Variants in CXADR observed in about 807,000 individuals in gnomAD.
The protein encoded by CXADR is coxsackievirus and adenovirus receptor.
CXADR carries 20 observed loss-of-function variants against 40.3 expected under a neutral mutation model. That is an observed-to-expected ratio of 0.50 (90% CI 0.35 to 0.72). The LOEUF (loss-of-function observed/expected upper bound fraction) is 0.72. CXADR is among the 30% of genes least tolerant of loss of function. The pLI is 0.01. For missense variants in CXADR, 332 were observed against 449.1 expected, an observed-to-expected ratio of 0.74 and a Z score of 2.36; for synonymous variants, 150 against 161.3, an observed-to-expected ratio of 0.93 and a Z score of 0.53.
At chr21:17,594,346 A>C, downstream of CXADR, 9 of 1,608,620 alleles carry the variant, frequency 5.6e-6, no homozygotes, top group Non-Finnish European at 7.6e-6. Context: ...TAGGGAAGAG[A>C]ACACATTAAG....
chr21:17,572,319 G>A (rs1198929397), downstream of CXADR, among the ~76,000 whole-genome samples: 1 of 151,536 alleles, frequency 6.6e-6, no homozygotes, highest in Admixed American at 6.6e-5. Context: ...GCAGTGAGCC[G>A]AGATCGCGCC....
the CXADR span, among the ~76,000 whole-genome samples, chr21:17,602,728 G>C: frequency 6.6e-6 from 1 of 152,160 alleles, no homozygotes; most frequent in Non-Finnish European, 1.5e-5. Flanking sequence ...TGAAAGCAAA[G>C]TAGCAGTTTT....
chr21:17,550,402 T>A (rs951625100), intron 2 of CXADR, among the ~76,000 whole-genome samples: 17 of 149,922 alleles, frequency 1.1e-4, no homozygotes, highest in African/African-American at 3.9e-4. Context: ...TCAGTGTGGT[T>A]GGGAAGGAGA....
chr21:17,598,353 T>C (rs1219387979), downstream of CXADR, among the ~76,000 whole-genome samples: 2 of 152,236 alleles, frequency 1.3e-5, no homozygotes, highest in Non-Finnish European at 2.9e-5. Context: ...AGGAATGTTT[T>C]ACCATCATGA....
intron 6 of CXADR, among the ~76,000 whole-genome samples, chr21:17,564,536 A>G (rs1784912): frequency 0.36 from 55,279 of 151,786 alleles, 10,484 homozygotes; most frequent in African/African-American, 0.48. Context: ...TTTTCTATAC[A>G]TGGTTTGTTG....
At chr21:17,603,408 A>C in the CXADR span, among the ~76,000 whole-genome samples, 1 of 152,152 alleles carries the variant, frequency 6.6e-6, no homozygotes, top group Non-Finnish European at 1.5e-5. Context: ...TGGTTTCCAA[A>C]AGCAATAAAC....
chr21:17,544,578 C>T (rs1319877679), intron 1 of CXADR, among the ~76,000 whole-genome samples: 3 of 152,146 alleles, frequency 2.0e-5, no homozygotes, highest in Non-Finnish European at 4.4e-5. Flanking sequence ...CAGACACCTC[C>T]GTTGCCCCCT....
intron 7 of CXADR, among the ~76,000 whole-genome samples, chr21:17,579,724 A>G (rs190453082): frequency 1.4e-4 from 21 of 152,352 alleles, no homozygotes; most frequent in African/African-American, 5.1e-4. Context: ...GGCTTAGAAC[A>G]CAGAAAGCAG....
At chr21:17,527,886 A>G (rs1383523111) in intron 1 of CXADR, among the ~76,000 whole-genome samples, 1 of 151,434 alleles carries the variant, frequency 6.6e-6, no homozygotes, top group African/African-American at 2.4e-5. Context: ...CTCCTTGTTG[A>G]CAGGAAATGC....
chr21:17,576,180 G>T (rs1054581918), intron 7 of CXADR, among the ~76,000 whole-genome samples: 3 of 152,018 alleles, frequency 2.0e-5, no homozygotes, highest in Admixed American at 6.6e-5. Flanking sequence ...ATTTAATTTG[G>T]TGCAAATGCA....
intron 2 of CXADR, among the ~76,000 whole-genome samples, chr21:17,551,271 G>A (rs937897889): frequency 2.6e-5 from 4 of 152,028 alleles, no homozygotes; most frequent in Non-Finnish European, 4.4e-5. Context: ...GTGGTGGCAC[G>A]TGCCTGAAGT....
the CXADR span, among the ~76,000 whole-genome samples, chr21:17,600,088 A>G: frequency 6.6e-6 from 1 of 152,104 alleles, no homozygotes; most frequent in African/African-American, 2.4e-5. Flanking sequence ...ATTTTTGAAG[A>G]TTTTTGATTT....
Position 17,566,394 on chromosome 21 carries a change from G to A in CXADR, c.*702G>A. 4.9e-5 allele frequency: 48 copies of A among 985,382 alleles called. No individual in the cohort carries two copies. Among genetic ancestry groups the A allele is most frequent in the Non-Finnish European group, 5.7e-5 (47 of 829,910 alleles). 61.0% of individuals were successfully genotyped at this position (985,382 alleles called of 1,614,324 possible). ...GCTAAAGGAGCATCTATCAGATTAA[G>A]TTAGAACATTTGCTGTCAGCCACAT... On this transcript the variant is annotated 3_prime_UTR_variant, in exon 7 of 7. Coordinates refer to ENST00000284878, the MANE Select transcript of CXADR (RefSeq NM_001338.5).
chr21:17,569,185 G>A lies in CXADR; in HGVS notation c.*3493G>A, dbSNP rs2061253345. ...CATGTACATTTGATGTTATGTGAAT[G>A]TTGAGTTTTTTCTTCTAATTTTCAC... On this transcript the variant is annotated 3_prime_UTR_variant, in exon 7 of 7. Coordinates refer to ENST00000284878, the MANE Select transcript of CXADR (RefSeq NM_001338.5). 6 of 985,350 alleles carry A rather than the reference G, an allele frequency of 6.1e-6. No homozygotes were observed. Among genetic ancestry groups the A allele is most frequent in the African/African-American group, 1.7e-5 (1 of 57,352 alleles). 61.0% of individuals were successfully genotyped at this position (985,350 alleles called of 1,614,324 possible).
chr21:17,560,317 G>A (rs1484843791), intron 4 of CXADR, among the ~76,000 whole-genome samples: 1 of 152,064 alleles, frequency 6.6e-6, no homozygotes, highest in East Asian at 1.9e-4. Context: ...CCTTTTGTAT[G>A]TTTCTTCCAT....
the CXADR span, among the ~76,000 whole-genome samples, chr21:17,605,758 C>T: frequency 6.6e-6 from 1 of 152,084 alleles, no homozygotes; most frequent in African/African-American, 2.4e-5. Context: ...AAATGATAAG[C>T]ATTCTGATTA....
At chr21:17,558,115 A>G (rs2249192) in intron 3 of CXADR, among the ~76,000 whole-genome samples, 94,523 of 150,838 alleles carry the variant, frequency 0.63, 29,967 homozygotes, top group Middle Eastern at 0.7. Context: ...TCTTTTTTAC[A>G]CATGAATTTC....
chr21:17,624,358 G>A, the CXADR span, among the ~76,000 whole-genome samples: 1 of 152,324 alleles, frequency 6.6e-6, no homozygotes, highest in East Asian at 1.9e-4. Flanking sequence ...TGTCTTGGCT[G>A]TTTCCTGTGT....
chr21:17,540,350 G>C (rs1479546448), intron 1 of CXADR, among the ~76,000 whole-genome samples: 1 of 152,124 alleles, frequency 6.6e-6, no homozygotes, highest in Non-Finnish European at 1.5e-5. Flanking sequence ...ATATTTATTA[G>C]TATACATTAT....
Sources: allele counts gnomAD v4.1 joint callset (sites outside exome capture counted in the v4.1 genomes callset), GRCh38; gene constraint gnomAD v4.1.1; transcripts MANE v1.5; gene names NCBI Gene and HGNC (gene_info 2026-07-23, HGNC 2026-07-21).